The following HEPACAM variants were observed in gnomAD, a reference collection of about 807,000 sequenced individuals.
HEPACAM encodes the protein hepatocyte cell adhesion molecule.
HEPACAM carries 18 observed loss-of-function variants against 38.3 expected under a neutral mutation model. That is an observed-to-expected ratio of 0.47 (90% CI 0.33 to 0.70). The LOEUF (loss-of-function observed/expected upper bound fraction) is 0.70. Among genes scored for constraint, HEPACAM ranks in the 30% least tolerant of loss-of-function variants. The pLI is 0.03. For synonymous variants in HEPACAM, 216 were observed against 243.1 expected (o/e 0.89, Z 1.04); for missense variants, 466 against 563.0 (o/e 0.83, Z 1.74).
At position 124,935,688 on chromosome 11, in the gene HEPACAM, G is replaced by A. The variant is rs534826966; in HGVS notation, c.85+234C>T. On this transcript the variant is annotated intron_variant, in intron 1 of 6. Transcript: ENST00000298251. ...ATCTAATGTACTGAATGCCGTGGGA[G>A]CTCCAAAGTCATGCAGCCTTTTGGG... is the stretch of plus-strand genomic sequence containing the variant. Among the ~76,000 whole-genome samples, 43 of 152,330 alleles carry A rather than the reference G, an allele frequency of 2.8e-4. 1 individual carries two copies. Among genetic ancestry groups the A allele is most frequent in the African/African-American group, 9.1e-4 (38 of 41,574 alleles).
At chr11:124,923,584 C>T in intron 3 of HEPACAM, 145 bp downstream of exon 3, 2 of 1,155,410 alleles carry the variant, frequency 1.7e-6, no homozygotes, top group East Asian at 4.8e-5. Context: ...AACCCACTGG[C>T]TACCTGTTGG....
Position 124,921,161 on chromosome 11 carries a change from C to G in HEPACAM, c.1228G>C (p.Gly410Arg), listed in dbSNP as rs1265960496. Reference sequence around the variant, plus strand: ...GCTCAGGCGCTGATCTCCACCGGGCCGGCCTCGTCTTGCTCGCGGATTATG... The same window carrying G: ...GCTCAGGCGCTGATCTCCACCGGGCGGGCCTCGTCTTGCTCGCGGATTATG... ...VHIIREQDEA[G>R]PVEISA The change falls in exon 7 of 7, where the codon GGC becomes CGC. Residue 410 changes from glycine (G) to arginine (R), a missense_variant. Coordinates refer to ENST00000298251, the MANE Select transcript of HEPACAM (RefSeq NM_152722.5). The surrounding 1 kb of genome is among the most constrained non-coding windows in gnomAD (Gnocchi z 4.6). 6.5e-7 allele frequency: 1 copy of G among 1,527,944 alleles called. No homozygotes were observed. The highest frequency in any genetic ancestry group is 2.0e-5 in the Admixed American group (1 of 51,036). 94.6% of individuals were successfully genotyped at this position (1,527,944 alleles called of 1,614,324 possible). A position where few individuals can be genotyped will look rare whatever the true frequency, so the allele number is the denominator to read the frequency against.
Position 124,927,518 on chromosome 11 carries a change from T to TTG in HEPACAM, c.86-2450_86-2449insCA, listed in dbSNP as rs1471953336. Among the ~76,000 whole-genome samples the TTG allele has an allele frequency of 3.3e-3, 422 of 127,218 alleles. 9 individuals are homozygous for TTG. Among genetic ancestry groups the TTG allele is most frequent in the African/African-American group, 0.013 (396 of 30,878 alleles). 83.5% of individuals were successfully genotyped at this position (127,218 alleles called of 152,430 possible). A position where few individuals can be genotyped will look rare whatever the true frequency, so the allele number is the denominator to read the frequency against. On this transcript the variant is annotated intron_variant, in intron 1 of 6. Transcript: ENST00000298251. The stretch of plus-strand genomic sequence containing the variant: ...CCACTATGCCCAGCTAGGTTTTTTT[T>TTG]TTTTGTTTTTTTTTTTTTGTATTTT...
Position 124,921,235 on chromosome 11 carries a change from G to T in HEPACAM, c.1154C>A (p.Pro385His). 1 of 1,467,280 alleles carries T rather than the reference G, an allele frequency of 6.8e-7. No homozygotes were observed. The highest frequency in any genetic ancestry group is 9.0e-7 in the Non-Finnish European group (1 of 1,115,530). The allele number at this position is 1,467,280 out of a possible 1,614,324, so 90.9% of individuals were successfully genotyped here. The change falls in exon 7 of 7, where the codon CCC (proline) becomes CAC (histidine). Residue 385 changes from proline (P) to histidine (H), a missense_variant. By Grantham distance (77) the Pro-to-His change is moderately conservative. Coordinates refer to ENST00000298251, the MANE Select transcript of HEPACAM (RefSeq NM_152722.5). The surrounding 1 kb of genome is among the most constrained non-coding windows in gnomAD (Gnocchi z 4.6). ...HSSPPRAPSS[P>H]GRSRSASRTL... ...GCGCGAGGCGCTGCGCGAGCGGCCG[G>T]GCGAGCTCGGGGCCCTGGGCGGCGA...
rs775135709 is a variant in HEPACAM at position 124,924,856 on chromosome 11, C to T, written c.299G>A (p.Arg100Gln). Reference sequence around the variant, plus strand: ...AAGCAGGGAGCCATTTTCAAAGAGTCGGATACGGTCTCGATAGTCAGGCCG... The same window carrying T: ...AAGCAGGGAGCCATTTTCAAAGAGTTGGATACGGTCTCGATAGTCAGGCCG... Reference protein sequence around the residue: ...TLRPDYRDRIRLFENGSLLLS... With the variant: ...TLRPDYRDRIQLFENGSLLLS... The change falls in exon 2 of 7, where the codon CGA becomes CAA. Residue 100 changes from arginine (R) to glutamine (Q), a missense_variant. Coordinates refer to ENST00000298251, the MANE Select transcript of HEPACAM (RefSeq NM_152722.5). This position sits in a 1 kb window ranked among gnomAD's most constrained non-coding sequence, Gnocchi z 4.4. 6.0e-5 allele frequency: 97 copies of T among 1,614,184 alleles called. 1 individual carries two copies. Among genetic ancestry groups the T allele is most frequent in the South Asian group, 2.3e-4 (21 of 91,080 alleles).
chr11:124,920,499 C>T lies in HEPACAM; in HGVS notation c.*639G>A, dbSNP rs1344042572. On this transcript the variant is annotated 3_prime_UTR_variant, in exon 7 of 7. Transcript: ENST00000298251. ...AGGTCAGAGGGAAAAGGAATGTACTCGTACCCTTCCCTCACCACCTTGTAG... is the reference window on the plus strand; with the variant it reads ...AGGTCAGAGGGAAAAGGAATGTACTTGTACCCTTCCCTCACCACCTTGTAG... The T allele has an allele frequency of 3.3e-6, 5 of 1,496,246 alleles. No individual in the cohort carries two copies. The South Asian group carries it at 6.2e-5, about 19-fold the overall frequency. 92.7% of individuals were successfully genotyped at this position (1,496,246 alleles called of 1,614,324 possible).
rs961666708 is a variant in HEPACAM, at chr11:124,920,470, G to T, written c.*668C>A. On this transcript the variant is annotated 3_prime_UTR_variant, in exon 7 of 7. Transcript: ENST00000298251. ...GCTCGGGTTCTTTGCCCTTGCTAGC[G>T]CCCAGGTCAGAGGGAAAAGGAATGT... 1 of 1,539,064 alleles carries T rather than the reference G, an allele frequency of 6.5e-7. No individual in the cohort carries two copies. The highest frequency in any genetic ancestry group is 1.2e-5 in the South Asian group (1 of 83,010).
chr11:124,919,635 A>G lies in HEPACAM; in HGVS notation c.*1503T>C, dbSNP rs1016043523. On this transcript the variant is annotated 3_prime_UTR_variant, in exon 7 of 7. Transcript: ENST00000298251. ...ACACCTGCTCAAATGAGCCTGGGGA[A>G]GTGCCGAGGGACAGGGAGCTGAGAC... 15 of 1,183,600 alleles carry G rather than the reference A, an allele frequency of 1.3e-5. No individual in the cohort carries two copies. In the South Asian group the frequency reaches 1.8e-4, roughly 14 times the overall value. The allele number at this position is 1,183,600 out of a possible 1,614,324, so 73.3% of individuals were successfully genotyped here.
Position 124,920,886 on chromosome 11 carries a change from A to T in HEPACAM, c.*252T>A. 7.5e-7 allele frequency: 1 copy of T among 1,327,648 alleles called. No homozygotes were observed. Among genetic ancestry groups the T allele is most frequent in the Non-Finnish European group, 9.6e-7 (1 of 1,041,250 alleles). 82.2% of individuals were successfully genotyped at this position (1,327,648 alleles called of 1,614,324 possible). ...AATCTATGTGGTCCTAAGAGGGCAC[A>T]ACCTATACCAAGTGAGGACACAGCC... On this transcript the variant is annotated 3_prime_UTR_variant, in exon 7 of 7. Transcript: ENST00000298251.
chr11:124,933,967 A>T (rs1451187213), intron 1 of HEPACAM, among the ~76,000 whole-genome samples: 1 of 151,986 alleles, frequency 6.6e-6, no homozygotes, highest in Non-Finnish European at 1.5e-5. Context: ...TTTCATTTTC[A>T]TCCCACGTTT....
chr11:124,923,604 T>A (rs878987794), intron 3 of HEPACAM, 125 bp downstream of exon 3: 2 of 1,277,904 alleles, frequency 1.6e-6, no homozygotes, highest in South Asian at 2.4e-5. Context: ...GTGTCCTCCA[T>A]GGATAGTTGG....
Position 124,922,400 on chromosome 11 carries a change from GAT to G in HEPACAM, c.934_935del (p.Ile312ProfsTer112). The G allele has an allele frequency of 6.2e-7, 1 of 1,614,126 alleles. No individual in the cohort carries two copies. Among genetic ancestry groups the G allele is most frequent in the Non-Finnish European group, 8.5e-7 (1 of 1,179,996 alleles). The stretch of plus-strand genomic sequence containing the variant: ...CAGAGCCGCTCACCTTGTCCTTCAG[GAT>G]ATAGAGTGCCATGGGGTTCTTCCGT... ...QERKNPMALY[I>X]LKDKDSPETE... On this transcript the variant is annotated frameshift_variant, in exon 6 of 7. Transcript: ENST00000298251. LOFTEE classifies it high-confidence loss of function.
intron 4 of HEPACAM, 149 bp downstream of exon 4, chr11:124,923,191 T>C (rs916233195): frequency 2.6e-6 from 2 of 755,782 alleles, no homozygotes; most frequent in Non-Finnish European, 4.8e-6. Context: ...GAGCACAAGA[T>C]GCTGGTGCAT....
chr11:124,920,735 C>T lies in HEPACAM; in HGVS notation c.*403G>A, dbSNP rs1415282463. On this transcript the variant is annotated 3_prime_UTR_variant, in exon 7 of 7. Coordinates refer to ENST00000298251, the MANE Select transcript of HEPACAM (RefSeq NM_152722.5). ...GTGCCCCAGCACTCAGGCATTTGTT[C>T]AGAGGGAAGGGTGGTGGGTGGGAAA... 1 of 936,536 alleles carries T rather than the reference C, an allele frequency of 1.1e-6. No homozygotes were observed. Among genetic ancestry groups the T allele is most frequent in the East Asian group, 1.0e-4 (1 of 9,970 alleles). The allele number at this position is 936,536 out of a possible 1,614,324, so 58.0% of individuals were successfully genotyped here.
chr11:124,921,231 G>C lies in HEPACAM; in HGVS notation c.1158C>G (p.Gly386=). The C allele has an allele frequency of 6.8e-7, 1 of 1,469,626 alleles. No individual in the cohort carries two copies. The highest frequency in any genetic ancestry group is 3.0e-5 in the East Asian group (1 of 33,828). The allele number at this position is 1,469,626 out of a possible 1,614,324, so 91.0% of individuals were successfully genotyped here. The change falls in exon 7 of 7, where the codon GGC becomes GGG. Residue 386 remains glycine (G), a synonymous_variant. Transcript: ENST00000298251. The surrounding 1 kb of genome is among the most constrained non-coding windows in gnomAD (Gnocchi z 4.6). ...SSPPRAPSSP[G]RSRSASRTLR... ...GTGTGCGCGAGGCGCTGCGCGAGCG[G>C]CCGGGCGAGCTCGGGGCCCTGGGCG...
chr11:124,921,209 T>A lies in HEPACAM; in HGVS notation c.1180A>T (p.Thr394Ser). The part of the protein sequence containing the change: ...SPGRSRSASR[T>S]LRTAGVHIIR... ...ATGTGCACGCCCGCAGTCCGCAGTG[T>A]GCGCGAGGCGCTGCGCGAGCGGCCG... The change falls in exon 7 of 7, where the codon ACA becomes TCA. Residue 394 changes from threonine (T) to serine (S), a missense_variant. Coordinates refer to ENST00000298251, the MANE Select transcript of HEPACAM (RefSeq NM_152722.5). The surrounding 1 kb of genome is among the most constrained non-coding windows in gnomAD (Gnocchi z 4.6). 1 of 1,487,990 alleles carries A rather than the reference T, an allele frequency of 6.7e-7. No individual in the cohort carries two copies. Among genetic ancestry groups the A allele is most frequent in the Non-Finnish European group, 8.9e-7 (1 of 1,125,860 alleles). 92.2% of individuals were successfully genotyped at this position (1,487,990 alleles called of 1,614,324 possible).
In HEPACAM at chr11:124,919,692, C is replaced by G; in HGVS notation, c.*1446G>C. Reference sequence around the variant, plus strand: ...GCTGTGGGGTTCAGGGCAGAGGGGGCAAACTAGAAATGTCAGTGCCTTTGG... The same window carrying G: ...GCTGTGGGGTTCAGGGCAGAGGGGGGAAACTAGAAATGTCAGTGCCTTTGG... On this transcript the variant is annotated 3_prime_UTR_variant, in exon 7 of 7. Transcript: ENST00000298251. 6.3e-7 allele frequency: 1 copy of G among 1,582,960 alleles called. No homozygotes were observed. Among genetic ancestry groups the G allele is most frequent in the East Asian group, 2.2e-5 (1 of 44,666 alleles).
At chr11:124,933,245 C>T (rs1302712137) in intron 1 of HEPACAM, among the ~76,000 whole-genome samples, 1 of 151,980 alleles carries the variant, frequency 6.6e-6, no homozygotes, top group Non-Finnish European at 1.5e-5. Flanking sequence ...GATCATGGCT[C>T]ACTGCAGCCT....
chr11:124,927,494 C>T (rs1020724320), intron 1 of HEPACAM, among the ~76,000 whole-genome samples: 1 of 149,694 alleles, frequency 6.7e-6, no homozygotes, highest in Non-Finnish European at 1.5e-5. Flanking sequence ...AGGCATGTGC[C>T]ACTATGCCCA....
Sources: allele counts gnomAD v4.1 joint callset (sites outside exome capture counted in the v4.1 genomes callset), GRCh38; gene constraint gnomAD v4.1.1; non-coding constraint Gnocchi (gnomAD v3.1); transcripts MANE v1.5; gene names NCBI Gene and HGNC (gene_info 2026-07-23, HGNC 2026-07-21).